Variants in SIN3A observed in about 807,000 individuals in gnomAD.
SIN3A encodes the protein paired amphipathic helix protein Sin3a.
Under a neutral mutation model 146.1 loss-of-function variants are expected in SIN3A, and 14 were observed. The observed-to-expected ratio is 0.10, with a 90% CI of 0.06 to 0.15. The LOEUF (loss-of-function observed/expected upper bound fraction) is 0.15. Ranked by LOEUF, SIN3A falls within the 10% of genes least tolerant of loss-of-function variation. SIN3A has a pLI of 1.00. For missense variants in SIN3A, 1,028 were observed against 1,576.0 expected, an observed-to-expected ratio of 0.65 and a Z score of 5.89; for synonymous variants, 572 against 572.0, an observed-to-expected ratio of 1.00 and a Z score of 0.00.
chr15:75,436,591 T>C (rs2074111989), intron 1 of SIN3A: 1 of 152,232 alleles, frequency 6.6e-6, no homozygotes, highest in South Asian at 2.1e-4. Context: ...GATGGATAGA[T>C]GGACAGGCAT....
chr15:75,442,177 A>G lies in SIN3A; in HGVS notation c.-34+9246T>C, dbSNP rs182189365. ...AACTGATTTTTTTTTTCATTTTTAC[A>G]TAATTTTTCCTTCTAACCATCTTTA... is the stretch of plus-strand genomic sequence containing the variant. On this transcript the variant is annotated intron_variant, in intron 1 of 20. Coordinates refer to ENST00000394947, the MANE Select transcript of SIN3A (RefSeq NM_001145358.2). Among the ~76,000 whole-genome samples, 382 of 146,468 alleles carry G rather than the reference A, an allele frequency of 2.6e-3. 1 individual carries two copies. Among genetic ancestry groups the G allele is most frequent in the African/African-American group, 9.0e-3 (359 of 40,082 alleles).
At chr15:75,407,453 G>A (rs2073535701) in intron 8 of SIN3A, among the ~76,000 whole-genome samples, 1 of 152,048 alleles carries the variant, frequency 6.6e-6, no homozygotes, top group African/African-American at 2.4e-5. Flanking sequence ...TTTTCTAGGG[G>A]CCCAAAGTAA....
At chr15:75,383,720 G>A (rs1435551148) in intron 17 of SIN3A, among the ~76,000 whole-genome samples, 1 of 152,036 alleles carries the variant, frequency 6.6e-6, no homozygotes, top group African/African-American at 2.4e-5. Flanking sequence ...AGTAGAGACG[G>A]GGGCAATCCT....
At chr15:75,403,510 T>C (rs2073451548) in intron 9 of SIN3A, among the ~76,000 whole-genome samples, 2 of 151,796 alleles carry the variant, frequency 1.3e-5, no homozygotes. Context: ...CTCCACACCA[T>C]ATCAGAGTTA....
intron 1 of SIN3A, among the ~76,000 whole-genome samples, chr15:75,441,543 C>T (rs1330686143): frequency 6.6e-6 from 1 of 152,162 alleles, no homozygotes; most frequent in Non-Finnish European, 1.5e-5. Flanking sequence ...ATCCTCCTGC[C>T]TCAGCCTCCC....
At position 75,370,965 on chromosome 15, in the gene SIN3A, A is replaced by C. The variant is rs2072740580; in HGVS notation, c.*1014T>G. The C allele has an allele frequency of 6.0e-3, 1 of 166 alleles. No individual in the cohort carries two copies. Among genetic ancestry groups the C allele is most frequent in the East Asian group, 0.5 (1 of 2 alleles). 0.0% of individuals were successfully genotyped at this position (166 alleles called of 1,614,324 possible). A position where few individuals can be genotyped will look rare whatever the true frequency, so the allele number is the denominator to read the frequency against. On this transcript the variant is annotated 3_prime_UTR_variant, in exon 21 of 21. Transcript: ENST00000394947. ...AAGAACCAAGCTTTATTTATTTACA[A>C]AAAAAAAAAAAAAAAAGTTGGGGGC...
Position 75,430,398 on chromosome 15 carries a change from C to G in SIN3A, c.-23G>C, listed in dbSNP as rs1485646900. The G allele has an allele frequency of 3.8e-6, 6 of 1,585,700 alleles. No homozygotes were observed. The East Asian group carries it at 1.1e-4, about 30-fold the overall frequency. On this transcript the variant is annotated 5_prime_UTR_variant, in exon 2 of 21. Coordinates refer to ENST00000394947, the MANE Select transcript of SIN3A (RefSeq NM_001145358.2). ...CATTCTGTGCTCATGCTCAGGGATG[C>G]ACTACAAAACCTGCAGAAACCAAAA... is the stretch of plus-strand genomic sequence containing the variant.
chr15:75,373,741 T>C (rs893161863), intron 20 of SIN3A, among the ~76,000 whole-genome samples: 1 of 149,188 alleles, frequency 6.7e-6, no homozygotes, highest in Non-Finnish European at 1.5e-5. Flanking sequence ...GGAGACCCCG[T>C]GTCTATTTTC....
chr15:75,397,083 T>C (rs1405249789), intron 12 of SIN3A, among the ~76,000 whole-genome samples: 1 of 152,248 alleles, frequency 6.6e-6, no homozygotes, highest in Non-Finnish European at 1.5e-5. Flanking sequence ...AGGAGTTCAC[T>C]GTTGTAGCTG....
chr15:75,432,685 CA>C (rs71440236), intron 1 of SIN3A, among the ~76,000 whole-genome samples: 2,336 of 84,856 alleles, frequency 0.028, 84 homozygotes, highest in Admixed American at 0.14. Context: ...GACTCTGTCT[CA>C]AAAAAAAAAA....
chr15:75,430,551 G>A, intron 1 of SIN3A, 143 bp from the exon 2 acceptor site: 1 of 550,336 alleles, frequency 1.8e-6, no homozygotes, highest in South Asian at 3.0e-5. Context: ...AAGTTTAAGT[G>A]CATGTGGGCA....
intron 19 of SIN3A, among the ~76,000 whole-genome samples, chr15:75,379,512 T>C (rs189698600): frequency 5.9e-5 from 9 of 152,336 alleles, no homozygotes; most frequent in East Asian, 1.9e-4. Flanking sequence ...AGACACATGA[T>C]GACAGGTTTA....
intron 1 of SIN3A, among the ~76,000 whole-genome samples, chr15:75,451,108 C>A (rs964651412): frequency 6.6e-6 from 1 of 150,942 alleles, no homozygotes; most frequent in Non-Finnish European, 1.5e-5. Flanking sequence ...GGTGGTCGGC[C>A]GCAAACTGCA....
upstream of SIN3A, chr15:75,455,576 C>T (rs1025912046): frequency 6.6e-6 from 1 of 152,438 alleles, no homozygotes; most frequent in African/African-American, 2.4e-5. Flanking sequence ...CTGGGAAACA[C>T]ACACACTGGC....
Position 75,409,743 on chromosome 15 carries a change from A to C in SIN3A, c.1317+93T>G, listed in dbSNP as rs2141485561. 5.0e-6 allele frequency: 7 copies of C among 1,395,666 alleles called. No individual in the cohort carries two copies. In the Admixed American group the frequency reaches 6.7e-5, roughly 13 times the overall value. The allele number at this position is 1,395,666 out of a possible 1,614,324, so 86.5% of individuals were successfully genotyped here. On this transcript the variant is annotated intron_variant, in intron 8 of 20. Coordinates refer to ENST00000394947, the MANE Select transcript of SIN3A (RefSeq NM_001145358.2). ...CTCGGTCTCAAAAAAACAAAAAAAA[A>C]CAACAACAACAAAACACATGACCAC...
chr15:75,436,794 C>T (rs1337997834), intron 1 of SIN3A, among the ~76,000 whole-genome samples: 2 of 150,656 alleles, frequency 1.3e-5, no homozygotes, highest in Non-Finnish European at 3.0e-5. Context: ...GCCAACAATA[C>T]AAACCAGCTC....
At chr15:75,413,144 ACT>A (rs1229960628) in intron 4 of SIN3A, 99 bp from the exon 5 acceptor site, 4 of 1,226,930 alleles carry the variant, frequency 3.3e-6, no homozygotes, top group Non-Finnish European at 3.3e-6. Context: ...ACGGAGTCTC[ACT>A]CTGTTGCCCA....
intron 1 of SIN3A, among the ~76,000 whole-genome samples, chr15:75,444,643 C>A (rs1008808744): frequency 6.6e-6 from 1 of 150,726 alleles, no homozygotes; most frequent in Non-Finnish European, 1.5e-5. Context: ...CCGAGGTGGG[C>A]AGACTGCTTG....
chr15:75,390,630 T>A (rs1175113111), intron 15 of SIN3A, among the ~76,000 whole-genome samples: 1 of 152,264 alleles, frequency 6.6e-6, no homozygotes, highest in Non-Finnish European at 1.5e-5. Flanking sequence ...GGACTGGTTA[T>A]CAGAGTACTG....
Sources: gnomAD v4.1 joint callset for allele counts (sites outside exome capture counted in the v4.1 genomes callset) on GRCh38, gnomAD v4.1.1 for gene constraint, MANE v1.5 for transcripts, NCBI Gene and HGNC (gene_info 2026-07-23, HGNC 2026-07-21) for gene names.